CEP63: variants seen among roughly 807,000 people sequenced by gnomAD.
CEP63 encodes the protein centrosomal protein of 63 kDa.
CEP63 carries 84 observed loss-of-function variants against 89.1 expected under a neutral mutation model. The observed-to-expected ratio is 0.94, with a 90% CI of 0.79 to 1.13. The LOEUF is 1.13. Ranked by LOEUF, CEP63 falls within the 50% of genes most tolerant of loss-of-function variation. CEP63 has a pLI of 0.00. For missense variants in CEP63, 838 were observed against 813.3 expected, an observed-to-expected ratio of 1.03 and a Z score of -0.37; for synonymous variants, 267 against 272.5, an observed-to-expected ratio of 0.98 and a Z score of 0.20.
chr3:134,492,174 C>T (rs1347512048), intron 1 of CEP63, among the ~76,000 whole-genome samples: 7 of 149,030 alleles, frequency 4.7e-5, no homozygotes, highest in African/African-American at 1.2e-4. Flanking sequence ...CCCGGGTTCA[C>T]GCCATTCTCC....
chr3:134,620,881 G>C, the CEP63 span: 2 of 1,471,668 alleles, frequency 1.4e-6, no homozygotes, highest in Non-Finnish European at 1.9e-6. Context: ...AGGGTGTGCT[G>C]TATTAGGGCC....
the CEP63 span, among the ~76,000 whole-genome samples, chr3:134,594,885 G>T: frequency 6.6e-6 from 1 of 152,206 alleles, no homozygotes; most frequent in Non-Finnish European, 1.5e-5. Context: ...GAGTTGATAT[G>T]CCTGTGTGCA....
the CEP63 span, among the ~76,000 whole-genome samples, chr3:134,613,790 C>A: frequency 6.6e-6 from 1 of 152,120 alleles, no homozygotes; most frequent in Non-Finnish European, 1.5e-5. Context: ...TGTTAATATG[C>A]CATAATTCTC....
the CEP63 span, among the ~76,000 whole-genome samples, chr3:134,740,548 T>C: frequency 6.6e-6 from 1 of 151,994 alleles, no homozygotes; most frequent in Non-Finnish European, 1.5e-5. Context: ...CCGCCCGCCT[T>C]GGCCTCCCAA....
downstream of CEP63, among the ~76,000 whole-genome samples, chr3:134,577,872 G>A (rs1214723087): frequency 6.6e-6 from 1 of 152,108 alleles, no homozygotes; most frequent in Admixed American, 6.5e-5. Flanking sequence ...AACATGCAGT[G>A]TTTGGTTTTC....
the CEP63 span, chr3:134,620,963 G>C: frequency 4.2e-6 from 3 of 721,012 alleles, no homozygotes; most frequent in Non-Finnish European, 7.3e-6. Flanking sequence ...AGGCAGAGAA[G>C]CTGGAGGAGA....
At chr3:134,565,379 A>G (rs912277762), downstream of CEP63, among the ~76,000 whole-genome samples, 1 of 152,172 alleles carries the variant, frequency 6.6e-6, no homozygotes, top group Non-Finnish European at 1.5e-5. Flanking sequence ...TCTTACATAC[A>G]CATAACACCT....
At chr3:134,665,424 C>T in the CEP63 span, among the ~76,000 whole-genome samples, 5 of 152,166 alleles carry the variant, frequency 3.3e-5, no homozygotes, top group African/African-American at 9.7e-5. Context: ...CCAAGGCAGG[C>T]GGGCCCAGGG....
At position 134,549,064 on chromosome 3, in the gene CEP63, T is replaced by C. The variant is rs1331890384; in HGVS notation, c.1070T>C (p.Leu357Ser). The change falls in exon 10 of 15, where the codon TTG becomes TCG. Residue 357 changes from leucine to serine, a missense_variant and splice_region_variant. By Grantham distance (145) the Leu-to-Ser change is moderately radical. Transcript: ENST00000675561. ...QAEVTCLEGS[L>S]ESVSATCKQL... ...GGGATCTTATTTTTGTCATACAGTT[T>C]GGAATCTGTGAGTGCAACGTGTAAA... 17 of 1,603,622 alleles carry C rather than the reference T, an allele frequency of 1.1e-5. No homozygotes were observed. Among genetic ancestry groups the C allele is most frequent in the Non-Finnish European group, 1.5e-5 (17 of 1,170,604 alleles).
the CEP63 span, among the ~76,000 whole-genome samples, chr3:134,672,741 G>C: frequency 6.6e-6 from 1 of 152,026 alleles, no homozygotes; most frequent in Non-Finnish European, 1.5e-5. Context: ...GGCTCTCTAC[G>C]TACTCATTCT....
intron 3 of CEP63, among the ~76,000 whole-genome samples, chr3:134,512,921 G>T (rs1184529918): frequency 6.6e-6 from 1 of 152,060 alleles, no homozygotes; most frequent in Non-Finnish European, 1.5e-5. Context: ...TGTTTTCCTG[G>T]AAATTACTAA....
At chr3:134,636,655 A>G in the CEP63 span, among the ~76,000 whole-genome samples, 322 of 152,338 alleles carry the variant, frequency 2.1e-3, 14 homozygotes, top group South Asian at 0.064. Flanking sequence ...TGTGGCTCCA[A>G]TGAGAATTTC....
At chr3:134,774,986 A>C in the CEP63 span, among the ~76,000 whole-genome samples, 1 of 152,200 alleles carries the variant, frequency 6.6e-6, no homozygotes, top group Non-Finnish European at 1.5e-5. Flanking sequence ...GAACTGGTGT[A>C]TAAATACCCC....
the CEP63 span, among the ~76,000 whole-genome samples, chr3:134,671,425 T>C: frequency 6.6e-6 from 1 of 152,058 alleles, no homozygotes; most frequent in East Asian, 1.9e-4. Context: ...AGAAGTTCAA[T>C]CCCCACCAGT....
At chr3:134,675,986 T>C in the CEP63 span, among the ~76,000 whole-genome samples, 1 of 152,200 alleles carries the variant, frequency 6.6e-6, no homozygotes, top group Admixed American at 6.5e-5. Context: ...TCCTCAAAAA[T>C]TGTAACACAG....
chr3:134,615,938 C>T, the CEP63 span, among the ~76,000 whole-genome samples: 1 of 152,196 alleles, frequency 6.6e-6, no homozygotes, highest in Non-Finnish European at 1.5e-5. Context: ...TTGGTGACAA[C>T]CAACTCCCTC....
At chr3:134,525,073 T>C (rs1200999333) in intron 3 of CEP63, among the ~76,000 whole-genome samples, 1 of 152,222 alleles carries the variant, frequency 6.6e-6, no homozygotes, top group Non-Finnish European at 1.5e-5. Context: ...GTTATTGGTC[T>C]GTTCAGGGGT....
chr3:134,775,311 G>T, the CEP63 span, among the ~76,000 whole-genome samples: 1 of 152,178 alleles, frequency 6.6e-6, no homozygotes, highest in Non-Finnish European at 1.5e-5. Flanking sequence ...CCTGGCTGGA[G>T]CCTCGCTTCA....
At chr3:134,634,101 C>T in the CEP63 span, among the ~76,000 whole-genome samples, 1 of 152,112 alleles carries the variant, frequency 6.6e-6, no homozygotes, top group East Asian at 1.9e-4. Context: ...TATGATTACA[C>T]ACATTAAAGA....
Sources: allele counts gnomAD v4.1 joint callset (sites outside exome capture counted in the v4.1 genomes callset), GRCh38; gene constraint gnomAD v4.1.1; transcripts MANE v1.5; gene names NCBI Gene and HGNC (gene_info 2026-07-23, HGNC 2026-07-21).